The following ADAM12 variants were observed in gnomAD, a reference collection of about 807,000 sequenced individuals.
ADAM12 encodes ADAM metallopeptidase domain 12, also known as disintegrin and metalloproteinase domain-containing protein 12.
A neutral mutation model predicts 106.4 loss-of-function variants in ADAM12; 70 were observed. The observed-to-expected ratio is 0.66, with a 90% CI of 0.54 to 0.80. The LOEUF (loss-of-function observed/expected upper bound fraction) is 0.80. Among genes scored for constraint, ADAM12 ranks in the 30% least tolerant of loss-of-function variants. ADAM12 has a pLI of 0.00. For missense variants in ADAM12, 1,010 were observed against 1,171.9 expected (o/e 0.86, Z 2.02); for synonymous variants, 420 against 433.5 (o/e 0.97, Z 0.39).
chr10:126,381,360 C>T (rs1293973116), intron 1 of ADAM12, among the ~76,000 whole-genome samples: 9 of 151,844 alleles, frequency 5.9e-5, no homozygotes, highest in East Asian at 2.0e-4. Context: ...TAATAGGCTG[C>T]GTACCATGGT....
intron 17 of ADAM12, among the ~76,000 whole-genome samples, chr10:126,044,161 G>C (rs1389508590): frequency 2.0e-5 from 3 of 152,096 alleles, no homozygotes; most frequent in African/African-American, 7.2e-5. Context: ...TCAAGTCCAG[G>C]CACGGTGGCT....
rs746416051 is a variant in ADAM12, at chr10:126,036,234, C to T, written c.2441G>A (p.Arg814Gln). The change falls in exon 21 of 23, where the codon CGA (arginine) becomes CAA (glutamine). Residue 814 changes from arginine to glutamine, a missense_variant. Transcript: ENST00000448723. ...AGCCCGGTGGAGGGGAGGAAGCACT[C>T]GCTGAGTTGACTGGGGCTGAGGGAC... ...LNVPQPQSTQ[R>Q]VLPPLHRAPR... 9.0e-6 allele frequency: 14 copies of T among 1,551,414 alleles called. No homozygotes were observed. The highest frequency in any genetic ancestry group is 6.4e-5 in the Admixed American group (3 of 47,012).
chr10:126,382,323 T>C (rs546014180), intron 1 of ADAM12, among the ~76,000 whole-genome samples: 1 of 152,344 alleles, frequency 6.6e-6, no homozygotes, highest in South Asian at 2.1e-4. Context: ...GTGTATTTCC[T>C]GAAGACACTG....
At chr10:126,308,079 CT>C (rs1202675548) in intron 2 of ADAM12, among the ~76,000 whole-genome samples, 1 of 152,170 alleles carries the variant, frequency 6.6e-6, no homozygotes, top group Non-Finnish European at 1.5e-5. Context: ...CAGGGTTGGG[CT>C]GCACTTCTAG....
chr10:126,384,708 CA>C (rs1856601437), intron 1 of ADAM12, among the ~76,000 whole-genome samples: 1 of 152,080 alleles, frequency 6.6e-6, no homozygotes, highest in African/African-American at 2.4e-5. Context: ...TGGGAAAAAC[CA>C]AAAACCAAGT....
chr10:126,348,743 G>T (rs1460788667), intron 1 of ADAM12, among the ~76,000 whole-genome samples: 1 of 152,128 alleles, frequency 6.6e-6, no homozygotes, highest in Non-Finnish European at 1.5e-5. Flanking sequence ...GTTTATGAGA[G>T]CGAACCATAA....
intron 3 of ADAM12, among the ~76,000 whole-genome samples, chr10:126,243,484 A>ATGTGTGTGTGTGTGT (rs1565162693): frequency 7.3e-6 from 1 of 137,124 alleles, no homozygotes; most frequent in African/African-American, 2.6e-5. Context: ...TGTGTGTGTG[A>ATGTGTGTGTGTGTGT]GTGTATGTGT....
chr10:126,094,400 A>G (rs1000222955), intron 10 of ADAM12, among the ~76,000 whole-genome samples: 1 of 152,184 alleles, frequency 6.6e-6, no homozygotes, highest in South Asian at 2.1e-4. Flanking sequence ...TTTACATGAC[A>G]TCTTCAAGGC....
Position 126,145,375 on chromosome 10 carries a change from C to T in ADAM12, c.340-9715G>A, listed in dbSNP as rs180990657. Reference sequence around the variant, plus strand: ...ATGCTACCCGCTTCCCCAATCCACTCCATTTATAGACTAATTCCATTACAA... The same window carrying T: ...ATGCTACCCGCTTCCCCAATCCACTTCATTTATAGACTAATTCCATTACAA... On this transcript the variant is annotated intron_variant, in intron 4 of 22. Coordinates refer to ENST00000448723, the MANE Select transcript of ADAM12 (RefSeq NM_001288973.2). The T allele has an allele frequency of 2.7e-3, 406 of 152,626 alleles. 1 individual carries two copies. The highest frequency in any genetic ancestry group is 4.7e-3 in the Non-Finnish European group (318 of 68,046). 9.5% of individuals were successfully genotyped at this position (152,626 alleles called of 1,614,324 possible).
At chr10:126,107,414 A>C (rs1955793979) in intron 8 of ADAM12, among the ~76,000 whole-genome samples, 1 of 152,186 alleles carries the variant, frequency 6.6e-6, no homozygotes, top group Non-Finnish European at 1.5e-5. Flanking sequence ...ATTCATTCTG[A>C]ATTATTGATG....
intron 6 of ADAM12, among the ~76,000 whole-genome samples, chr10:126,116,171 TG>T (rs1326592589): frequency 6.6e-6 from 1 of 152,254 alleles, no homozygotes; most frequent in Non-Finnish European, 1.5e-5. Flanking sequence ...AAAATATGGC[TG>T]GCAAGTACAG....
rs1000620795 is a variant in ADAM12, at chr10:126,075,108, G to A, written c.1146-3454C>T. 3.9e-5 allele frequency among the ~76,000 whole-genome samples: 6 copies of A among 152,218 alleles called. 1 individual carries two copies. The South Asian group carries it at 8.3e-4, about 21-fold the overall frequency. On this transcript the variant is annotated intron_variant, in intron 11 of 22. Coordinates refer to ENST00000448723, the MANE Select transcript of ADAM12 (RefSeq NM_001288973.2). ...TCCTCGGACTGGGTCAGCCAATATC[G>A]CTACCATTTCCTCTATGTAATGAAG...
chr10:126,200,586 A>G (rs1352301702), intron 3 of ADAM12, among the ~76,000 whole-genome samples: 5 of 152,132 alleles, frequency 3.3e-5, no homozygotes, highest in South Asian at 4.2e-4. Context: ...TGGTTCCCAC[A>G]CTGTGGAGCT....
intron 3 of ADAM12, among the ~76,000 whole-genome samples, chr10:126,192,983 C>T (rs1024733050): frequency 1.4e-4 from 21 of 152,160 alleles, no homozygotes; most frequent in African/African-American, 5.1e-4. Context: ...AAAGGACAGA[C>T]CTCTGGGCGC....
intron 3 of ADAM12, among the ~76,000 whole-genome samples, chr10:126,220,954 A>C (rs566776084): frequency 6.6e-6 from 1 of 152,350 alleles, no homozygotes; most frequent in East Asian, 1.9e-4. Flanking sequence ...TCCAGAACAC[A>C]TTCTGATCCC....
At chr10:126,300,853 A>G (rs1383904457) in intron 2 of ADAM12, among the ~76,000 whole-genome samples, 1 of 152,198 alleles carries the variant, frequency 6.6e-6, no homozygotes, top group Non-Finnish European at 1.5e-5. Context: ...ACGAGATTCC[A>G]CTAGTATATC....
intron 3 of ADAM12, among the ~76,000 whole-genome samples, chr10:126,214,626 T>C (rs1957955301): frequency 6.6e-6 from 1 of 152,204 alleles, no homozygotes; most frequent in African/African-American, 2.4e-5. Context: ...AGTACCCTTT[T>C]GCAGTGATTG....
chr10:126,198,741 G>A (rs1269110292), intron 3 of ADAM12, among the ~76,000 whole-genome samples: 1 of 152,166 alleles, frequency 6.6e-6, no homozygotes, highest in Non-Finnish European at 1.5e-5. Context: ...GTAGGTCTGT[G>A]CTTAAACCTG....
At chr10:126,243,483 G>GTGTGTGT (rs1565162675) in intron 3 of ADAM12, among the ~76,000 whole-genome samples, 45 of 95,444 alleles carry the variant, frequency 4.7e-4, no homozygotes, top group South Asian at 2.1e-3. Flanking sequence ...CTGTGTGTGT[G>GTGTGTGT]AGTGTATGTG....
Sources: gnomAD v4.1 joint callset for allele counts (sites outside exome capture counted in the v4.1 genomes callset) on GRCh38, gnomAD v4.1.1 for gene constraint, MANE v1.5 for transcripts, NCBI Gene and HGNC (gene_info 2026-07-23, HGNC 2026-07-21) for gene names.